Variants in CASK observed in about 807,000 individuals in gnomAD.
The protein encoded by CASK is peripheral plasma membrane protein CASK.
In CASK, 4 loss-of-function variants were observed where a neutral mutation model predicts 82.9. The ratio of observed to expected loss-of-function variants is 0.05; its 90% confidence interval spans 0.02 to 0.11. The LOEUF (loss-of-function observed/expected upper bound fraction) is 0.11, where lower values mean the gene tolerates loss of function less well. CASK is among the 10% of genes least tolerant of loss of function. The probability of loss-of-function intolerance (pLI) is 1.00; values close to 1 mark genes in which losing one functional copy is unlikely to be tolerated. For synonymous variants in CASK, 259 were observed against 253.5 expected (o/e 1.02, Z -0.20); for missense variants, 358 against 720.9 (o/e 0.50, Z 5.76).
At chrX:41,847,235 G>A (rs1601899146) in intron 2 of CASK, among the ~76,000 whole-genome samples, 2 of 111,202 alleles carry the variant, frequency 1.8e-5, no homozygotes, top group South Asian at 7.5e-4. Context: ...TTCTCATTAT[G>A]CATATGTTGG....
At chrX:41,732,174 G>A (rs1485933330) in intron 5 of CASK, among the ~76,000 whole-genome samples, 2 of 110,645 alleles carry the variant, frequency 1.8e-5, no homozygotes, top group African/African-American at 6.6e-5. Context: ...ACACAAATTT[G>A]GGGTTTCAGG....
At chrX:41,871,054 A>C (rs1479616820) in intron 1 of CASK, among the ~76,000 whole-genome samples, 3 of 111,916 alleles carry the variant, frequency 2.7e-5, no homozygotes, top group Non-Finnish European at 5.6e-5. Context: ...GTAGGGAAGA[A>C]TCCACTTCCA....
At chrX:41,771,187 G>C in intron 3 of CASK, among the ~76,000 whole-genome samples, 1 of 112,181 alleles carries the variant, frequency 8.9e-6, no homozygotes, top group East Asian at 2.8e-4. Flanking sequence ...CCTGCTAGCT[G>C]AATTCTCCAC....
intron 2 of CASK, among the ~76,000 whole-genome samples, chrX:41,827,312 T>C (rs2070689309): frequency 9.0e-6 from 1 of 111,552 alleles, no homozygotes; most frequent in Non-Finnish European, 1.9e-5. Context: ...CAAAATACCA[T>C]AGACTAGGTG....
intron 5 of CASK, among the ~76,000 whole-genome samples, chrX:41,674,613 G>A (rs1210748067): frequency 1.8e-5 from 2 of 111,189 alleles, no homozygotes; most frequent in Non-Finnish European, 3.8e-5. Context: ...TCAGGGTGGG[G>A]AGGAAGAGAG....
At chrX:41,641,670 G>C (rs2066656692) in intron 8 of CASK, among the ~76,000 whole-genome samples, 1 of 109,304 alleles carries the variant, frequency 9.1e-6, no homozygotes, top group South Asian at 4.0e-4. Flanking sequence ...ACTTTTTTTT[G>C]GTGGTTTTAT....
intron 3 of CASK, among the ~76,000 whole-genome samples, chrX:41,770,298 ACC>A (rs1569441726): frequency 8.8e-5 from 8 of 90,826 alleles, no homozygotes; most frequent in African/African-American, 1.6e-4. Context: ...CTATCTATCT[ACC>A]TACCTACCTA....
intron 19 of CASK, among the ~76,000 whole-genome samples, chrX:41,556,665 C>T (rs1602257100): frequency 8.9e-6 from 1 of 112,261 alleles, no homozygotes; most frequent in Admixed American, 9.5e-5. Flanking sequence ...AATGCCTACT[C>T]TGCAAAATTC....
intron 1 of CASK, among the ~76,000 whole-genome samples, chrX:41,860,172 T>C (rs1347052954): frequency 9.1e-6 from 1 of 110,379 alleles, no homozygotes; most frequent in African/African-American, 3.3e-5. Flanking sequence ...ATACATTTAT[T>C]AAGTAACGCA....
At chrX:41,902,100 G>A (rs1444368934) in intron 1 of CASK, among the ~76,000 whole-genome samples, 8 of 111,397 alleles carry the variant, frequency 7.2e-5, no homozygotes, top group Non-Finnish European at 1.5e-4. Flanking sequence ...TGGGTCCTGG[G>A]TCCACTGCAG....
At chrX:41,853,256 AT>A in intron 1 of CASK, 29 bp from the exon 2 acceptor site, 1 of 919,318 alleles carries the variant, frequency 1.1e-6, no homozygotes. Context: ...ATTTTAATTC[AT>A]TGATTCTCTT....
intron 1 of CASK, among the ~76,000 whole-genome samples, chrX:41,896,966 C>T (rs1201620): frequency 0.17 from 19,025 of 111,524 alleles, 1,440 homozygotes; most frequent in Middle Eastern, 0.3. Context: ...TAGGTTGACT[C>T]TGTATCTGCC....
chrX:41,621,157 G>C (rs773965557), intron 11 of CASK, among the ~76,000 whole-genome samples: 1 of 109,957 alleles, frequency 9.1e-6, no homozygotes, highest in Non-Finnish European at 1.9e-5. Flanking sequence ...AAATCTAGAC[G>C]GGAAGAATCT....
At chrX:41,727,585 T>C (rs2068285594) in intron 5 of CASK, 2 of 1,205,421 alleles carry the variant, frequency 1.7e-6, no homozygotes, top group Non-Finnish European at 2.2e-6. Context: ...AGAGAGCCTA[T>C]GCTACAATCG....
At chrX:41,676,819 T>C (rs1010480412) in intron 5 of CASK, among the ~76,000 whole-genome samples, 25 of 112,193 alleles carry the variant, frequency 2.2e-4, no homozygotes, top group Non-Finnish European at 3.0e-4. Context: ...GAAGCAGAGA[T>C]GATGAGAAGT....
chrX:41,617,265 C>T (rs2066217515), intron 11 of CASK, among the ~76,000 whole-genome samples: 1 of 112,037 alleles, frequency 8.9e-6, no homozygotes. Context: ...TATTAAACCT[C>T]CTTGGATCTG....
intron 1 of CASK, among the ~76,000 whole-genome samples, chrX:41,878,521 G>A (rs2071878469): frequency 9.0e-6 from 1 of 110,499 alleles, no homozygotes; most frequent in African/African-American, 3.3e-5. Context: ...AAAGCAAGCT[G>A]CCAATAAATT....
chrX:41,610,874 T>C (rs373199232), intron 11 of CASK, among the ~76,000 whole-genome samples: 50 of 111,715 alleles, frequency 4.5e-4, no homozygotes, highest in African/African-American at 1.4e-3. Flanking sequence ...ATATGCAGAA[T>C]ACACATATAT....
chrX:41,521,765 A>T (rs1395842214), intron 26 of CASK, among the ~76,000 whole-genome samples: 1 of 112,165 alleles, frequency 8.9e-6, no homozygotes, highest in Admixed American at 9.4e-5. Context: ...TCTTAAATAT[A>T]CATAGAGATA....
Sources: allele counts gnomAD v4.1 joint callset (sites outside exome capture counted in the v4.1 genomes callset), GRCh38; gene constraint gnomAD v4.1.1; transcripts MANE v1.5; gene names NCBI Gene and HGNC (gene_info 2026-07-23, HGNC 2026-07-21).